STRIP2: variants seen among roughly 807,000 people sequenced by gnomAD.
STRIP2 encodes striatin interacting protein 2, also known as striatin-interacting protein 2.
STRIP2 carries 84 observed loss-of-function variants against 107.1 expected under a neutral mutation model. The ratio of observed to expected loss-of-function variants is 0.78; its 90% CI spans 0.66 to 0.94. The LOEUF is 0.94. Ranked by LOEUF, STRIP2 falls within the 40% of genes least tolerant of loss-of-function variation. STRIP2 has a pLI of 0.00. For missense variants in STRIP2, 888 were observed against 1,034.2 expected (o/e 0.86, Z 1.94); for synonymous variants, 394 against 400.4 (o/e 0.98, Z 0.19).
chr7:129,474,677 A>G (rs1428783157), intron 18 of STRIP2, among the ~76,000 whole-genome samples: 1 of 151,966 alleles, frequency 6.6e-6, no homozygotes, highest in East Asian at 1.9e-4. Context: ...TGCCCAGCTA[A>G]TTTTTGTACT....
At chr7:129,447,119 C>T (rs1313844813) in intron 3 of STRIP2, among the ~76,000 whole-genome samples, 1 of 152,218 alleles carries the variant, frequency 6.6e-6, no homozygotes, top group Non-Finnish European at 1.5e-5. Flanking sequence ...ACCATTGGAT[C>T]TGCTGGGTCA....
At chr7:129,465,264 C>T (rs1295530882) in intron 16 of STRIP2, among the ~76,000 whole-genome samples, 3 of 152,156 alleles carry the variant, frequency 2.0e-5, no homozygotes, top group Non-Finnish European at 2.9e-5. Context: ...TCTAATCCAG[C>T]TTGAGGTGGA....
chr7:129,463,281 T>C (rs1020572505), intron 14 of STRIP2, among the ~76,000 whole-genome samples: 1 of 152,190 alleles, frequency 6.6e-6, no homozygotes, highest in Non-Finnish European at 1.5e-5. Context: ...CAGGATACAC[T>C]GGGGACCCTC....
rs762985342 is a variant in STRIP2, at chr7:129,464,669, T to A, written c.1707T>A (p.Ile569=). 6.2e-7 allele frequency: 1 copy of A among 1,614,006 alleles called. No individual in the cohort carries two copies. Among genetic ancestry groups the A allele is most frequent in the Non-Finnish European group, 8.5e-7 (1 of 1,179,936 alleles). The change falls in exon 16 of 21, where the codon ATT becomes ATA. Residue 569 remains isoleucine (I), a synonymous_variant. Transcript: ENST00000249344. The part of the protein sequence containing the change: ...LGIDVNRHKE[I]IVKSISTLLL... ...TCGATGTGAACAGGCACAAGGAGATTATTGTAAAGAGTATCTCTACCCTGC... is the reference window on the plus strand; with the variant it reads ...TCGATGTGAACAGGCACAAGGAGATAATTGTAAAGAGTATCTCTACCCTGC...
intron 18 of STRIP2, among the ~76,000 whole-genome samples, chr7:129,479,460 T>C (rs1799060462): frequency 6.6e-6 from 1 of 150,916 alleles, no homozygotes; most frequent in South Asian, 2.1e-4. Flanking sequence ...ATTTACTGTA[T>C]GATGGAGAAT....
chr7:129,480,656 C>A (rs1799092450), intron 18 of STRIP2, 129 bp from the exon 19 acceptor site: 2 of 691,218 alleles, frequency 2.9e-6, no homozygotes, highest in Non-Finnish European at 4.8e-6. Context: ...TGTTAAGAAA[C>A]AGGAAGGTGA....
Position 129,470,631 on chromosome 7 carries a change from T to C in STRIP2, c.1878-18T>C, listed in dbSNP as rs1295748687. 11 of 1,610,732 alleles carry C rather than the reference T, an allele frequency of 6.8e-6. No homozygotes were observed. The highest frequency in any genetic ancestry group is 9.3e-6 in the Non-Finnish European group (11 of 1,177,030). The stretch of plus-strand genomic sequence containing the variant: ...TTGCCATTTACCTAAAGCCTGTCCT[T>C]ATCTCTGCATCTTACAGCATCTCAG... On this transcript the variant is annotated intron_variant, in intron 17 of 20. Transcript: ENST00000249344.
chr7:129,444,386 G>A (rs1454222784), intron 3 of STRIP2, among the ~76,000 whole-genome samples: 4 of 152,176 alleles, frequency 2.6e-5, no homozygotes, highest in African/African-American at 7.2e-5. Flanking sequence ...TCCGATATTC[G>A]AGGGCAGGAA....
chr7:129,464,414 C>A (rs139267298), intron 15 of STRIP2, among the ~76,000 whole-genome samples, 198 bp from the exon 16 acceptor site: 1 of 151,884 alleles, frequency 6.6e-6, no homozygotes, highest in Non-Finnish European at 1.5e-5. Context: ...AAAAGAGAGA[C>A]GGAAACAAAG....
In STRIP2 at chr7:129,461,520, G is replaced by A. The variant is rs1422202280; in HGVS notation, c.1476+1148G>A. Among the ~76,000 whole-genome samples the A allele has an allele frequency of 6.6e-6, 1 of 152,170 alleles. No individual in the cohort carries two copies. The highest frequency in any genetic ancestry group is 1.5e-5 in the Non-Finnish European group (1 of 68,032). Reference sequence around the variant, plus strand: ...GAATATGAAAGACAGTGAAGTGGCTGGAAATCCAGGAGATTATGATATCAT... The same window carrying A: ...GAATATGAAAGACAGTGAAGTGGCTAGAAATCCAGGAGATTATGATATCAT... On this transcript the variant is annotated intron_variant, in intron 13 of 20. Coordinates refer to ENST00000249344, the MANE Select transcript of STRIP2 (RefSeq NM_020704.3). The surrounding 1 kb of genome is among the most constrained non-coding windows in gnomAD (Gnocchi z 4.0).
chr7:129,484,579 GAT>G (rs1218257339), intron 20 of STRIP2: 1 of 152,116 alleles, frequency 6.6e-6, no homozygotes, highest in African/African-American at 2.4e-5. Context: ...TTTTACTCCA[GAT>G]ATGCTGACCC....
chr7:129,466,339 C>T (rs1286050077), intron 16 of STRIP2, among the ~76,000 whole-genome samples: 1 of 152,050 alleles, frequency 6.6e-6, no homozygotes, highest in Non-Finnish European at 1.5e-5. Context: ...AAATAAATAA[C>T]CTTCCAGGGA....
At chr7:129,444,212 G>C in intron 3 of STRIP2, 114 bp downstream of exon 3, 1 of 707,164 alleles carries the variant, frequency 1.4e-6, no homozygotes, top group East Asian at 2.7e-5. Context: ...GTATTAGTTA[G>C]GGTTCTCTTA....
intron 12 of STRIP2, among the ~76,000 whole-genome samples, 176 bp from the exon 13 acceptor site, chr7:129,460,125 C>G (rs564680922): frequency 6.6e-5 from 10 of 152,330 alleles, no homozygotes; most frequent in Non-Finnish European, 1.0e-4. Flanking sequence ...AGCACTTTGA[C>G]TGGTGCTGAT....
At chr7:129,450,566 G>A (rs988524965) in intron 3 of STRIP2, among the ~76,000 whole-genome samples, 6 of 152,210 alleles carry the variant, frequency 3.9e-5, no homozygotes, top group Non-Finnish European at 5.9e-5. Flanking sequence ...CAAATGTGTG[G>A]TGAGTATCTA....
intron 4 of STRIP2, among the ~76,000 whole-genome samples, chr7:129,452,334 A>G (rs1472246410): frequency 6.6e-6 from 1 of 152,222 alleles, no homozygotes; most frequent in Non-Finnish European, 1.5e-5. Context: ...AGTGAAAATA[A>G]GCCTACGATC....
At chr7:129,438,761 T>C (rs1175552762) in intron 1 of STRIP2, among the ~76,000 whole-genome samples, 1 of 152,222 alleles carries the variant, frequency 6.6e-6, no homozygotes, top group Non-Finnish European at 1.5e-5. Context: ...GCGGTTATCA[T>C]GATCTTCCTT....
At chr7:129,468,988 A>G (rs757628857) in intron 17 of STRIP2, among the ~76,000 whole-genome samples, 1 of 152,210 alleles carries the variant, frequency 6.6e-6, no homozygotes, top group Non-Finnish European at 1.5e-5. Flanking sequence ...CTCAGGCCGC[A>G]TAGTGAAATA....
Position 129,434,453 on chromosome 7 carries a change from G to A in STRIP2, c.-20G>A, listed in dbSNP as rs1335305385. On this transcript the variant is annotated 5_prime_UTR_variant, in exon 1 of 21. Coordinates refer to ENST00000249344, the MANE Select transcript of STRIP2 (RefSeq NM_020704.3). ...CCGGCAAAGCGAGCTGAACCCTGAG[G>A]GGAGCCGCTGACCAGCAGCATGGAG... 6.7e-7 allele frequency: 1 copy of A among 1,497,902 alleles called. No homozygotes were observed. Among genetic ancestry groups the A allele is most frequent in the African/African-American group, 1.4e-5 (1 of 69,082 alleles). 92.8% of individuals were successfully genotyped at this position (1,497,902 alleles called of 1,614,324 possible).
Sources: allele counts gnomAD v4.1 joint callset (sites outside exome capture counted in the v4.1 genomes callset), GRCh38; gene constraint gnomAD v4.1.1; non-coding constraint Gnocchi (gnomAD v3.1); transcripts MANE v1.5; gene names NCBI Gene and HGNC (gene_info 2026-07-23, HGNC 2026-07-21).